DNAH10: variants seen among roughly 807,000 people sequenced by gnomAD.
DNAH10 encodes the protein dynein axonemal heavy chain 10, also known as axonemal beta dynein heavy chain 10.
Under a neutral mutation model 506.6 loss-of-function variants are expected in DNAH10, and 348 were observed. That is an observed-to-expected ratio of 0.69 (90% CI 0.63 to 0.75). The LOEUF is 0.75. Ranked by LOEUF, DNAH10 falls within the 30% of genes least tolerant of loss-of-function variation. The pLI, the probability that DNAH10 is intolerant of heterozygous loss-of-function variation, is 0.00. For missense variants in DNAH10, 5,179 were observed against 5,787.1 expected (o/e 0.89, Z 3.41); for synonymous variants, 2,059 against 2,198.6 (o/e 0.94, Z 1.78).
rs749608918 is a variant in DNAH10, at chr12:123,853,172, C to CT, written c.6292-25dup. On this transcript the variant is annotated intron_variant, in intron 35 of 78. Coordinates refer to ENST00000673944, the MANE Select transcript of DNAH10 (RefSeq NM_001372106.1). This position sits in a 1 kb window ranked among gnomAD's most constrained non-coding sequence, Gnocchi z 4.7. Reference sequence around the variant, plus strand: ...TTGCTTTTGAATCATTTTCTTTTTTCTTTTTTTTTGTATTATTATCTTCTA... The same window carrying CT: ...TTGCTTTTGAATCATTTTCTTTTTTCTTTTTTTTTTGTATTATTATCTTCTA... The CT allele has an allele frequency of 3.8e-4, 559 of 1,483,140 alleles. No homozygotes were observed. The highest frequency in any genetic ancestry group is 1.7e-3 in the South Asian group (124 of 73,712). The allele number at this position is 1,483,140 out of a possible 1,614,324, so 91.9% of individuals were successfully genotyped here. A position where few individuals can be genotyped will look rare whatever the true frequency, so the allele number is the denominator to read the frequency against.
At chr12:123,888,628 T>G (rs1952843059) in intron 52 of DNAH10, among the ~76,000 whole-genome samples, 1 of 152,208 alleles carries the variant, frequency 6.6e-6, no homozygotes, top group South Asian at 2.1e-4. Context: ...GACCTTGATT[T>G]CAGGCCTCCA....
intron 23 of DNAH10, among the ~76,000 whole-genome samples, chr12:123,819,577 G>A (rs1426279617): frequency 6.6e-6 from 1 of 151,876 alleles, no homozygotes; most frequent in Admixed American, 6.6e-5. Flanking sequence ...CAAAGGCAGC[G>A]TCTTATCCAT....
rs183759550 is a variant in DNAH10 at position 123,916,815 on chromosome 12, G to A, written c.11002+79G>A. 1.3e-6 allele frequency: 2 copies of A among 1,495,452 alleles called. No homozygotes were observed. Among genetic ancestry groups the A allele is most frequent in the Admixed American group, 4.3e-5 (2 of 46,732 alleles). 92.6% of individuals were successfully genotyped at this position (1,495,452 alleles called of 1,614,324 possible). ...CAACCTCAGATCAAGGCATTCATGG[G>A]ACATCATTTCACTCAGTGACCCCAG... On this transcript the variant is annotated intron_variant, in intron 63 of 78. Transcript: ENST00000673944. This position sits in a 1 kb window ranked among gnomAD's most constrained non-coding sequence, Gnocchi z 4.6.
intron 52 of DNAH10, among the ~76,000 whole-genome samples, chr12:123,888,849 C>T (rs1952854100): frequency 6.6e-6 from 1 of 152,168 alleles, no homozygotes; most frequent in Admixed American, 6.5e-5. Context: ...ATCTTGTCTA[C>T]CCTGGGGCCC....
chr12:123,784,594 T>A (rs946198191), intron 8 of DNAH10, among the ~76,000 whole-genome samples: 35 of 152,184 alleles, frequency 2.3e-4, no homozygotes, highest in African/African-American at 8.0e-4. Context: ...AGACATGACA[T>A]GATATTATCA....
rs201520422 is a variant in DNAH10, at chr12:123,859,199, C to T, written c.6680C>T (p.Thr2227Met). The change falls in exon 38 of 79, where the codon ACG (threonine) becomes ATG (methionine). Residue 2227 changes from threonine (T) to methionine (M), a missense_variant. Around this residue, in one of 3 missense-constraint regions of DNAH10, gnomAD observed 4,844 missense variants for 5,430.5 expected, o/e 0.89. Transcript: ENST00000673944. ...MFETMLTRHT[T>M]MVVGPTRGGK... ...GAGACCATGTTAACCCGCCACACGA[C>T]GATGGTGGTGGGGCCCACCAGAGGG... The T allele has an allele frequency of 3.2e-5, 52 of 1,612,152 alleles. No homozygotes were observed. The East Asian group carries it at 4.0e-4, about 12-fold the overall frequency.
Position 123,926,852 on chromosome 12 carries a change from G to A in DNAH10, c.12105+32G>A, listed in dbSNP as rs760168730. ...TGTGGCTGAAAGGAACAAGCTCTAC[G>A]TTTAGGGGAGGTCCCTGGTGTCTGC... On this transcript the variant is annotated intron_variant, in intron 69 of 78. Coordinates refer to ENST00000673944, the MANE Select transcript of DNAH10 (RefSeq NM_001372106.1). This position sits in a 1 kb window ranked among gnomAD's most constrained non-coding sequence, Gnocchi z 4.1. 1.9e-5 allele frequency: 30 copies of A among 1,608,688 alleles called. No homozygotes were observed. The highest frequency in any genetic ancestry group is 8.9e-5 in the East Asian group (4 of 44,858).
intron 26 of DNAH10, 106 bp downstream of exon 26, chr12:123,830,805 C>G: frequency 8.7e-7 from 1 of 1,154,992 alleles, no homozygotes; most frequent in Non-Finnish European, 1.2e-6. Flanking sequence ...ATTAGCTGAG[C>G]GTGGTGGTAT....
At position 123,859,087 on chromosome 12, in the gene DNAH10, G is replaced by A. The variant is rs560511389; in HGVS notation, c.6631-63G>A. The A allele has an allele frequency of 1.4e-4, 202 of 1,421,178 alleles. No homozygotes were observed. The African/African-American group carries it at 1.8e-3, about 13-fold the overall frequency. The allele number at this position is 1,421,178 out of a possible 1,614,324, so 88.0% of individuals were successfully genotyped here. A position where few individuals can be genotyped will look rare whatever the true frequency, so the allele number is the denominator to read the frequency against. On this transcript the variant is annotated intron_variant, in intron 37 of 78. Transcript: ENST00000673944. ...AATTGTATGGCGTGTGTGTTGTATC[G>A]CAATAAAACTGCGTCAGAAAAAAGA...
At position 123,894,510 on chromosome 12, in the gene DNAH10, G is replaced by C. The variant is rs528557297; in HGVS notation, c.9200-133G>C. 9 of 698,760 alleles carry C rather than the reference G, an allele frequency of 1.3e-5. No individual in the cohort carries two copies. In the South Asian group the frequency reaches 1.7e-4, roughly 13 times the overall value. 43.3% of individuals were successfully genotyped at this position (698,760 alleles called of 1,614,324 possible). A position where few individuals can be genotyped will look rare whatever the true frequency, so the allele number is the denominator to read the frequency against. The stretch of plus-strand genomic sequence containing the variant: ...TGACCTCAAATGATCCACCCGCCTT[G>C]GCCTCCCAAAGTGCTGGGATTACAG... On this transcript the variant is annotated intron_variant, in intron 53 of 78. Transcript: ENST00000673944.
intron 77 of DNAH10, 23 bp downstream of exon 77, chr12:123,933,534 C>A (rs1454209393): frequency 1.3e-6 from 2 of 1,563,494 alleles, no homozygotes; most frequent in Admixed American, 1.8e-5. Flanking sequence ...CGTTAGGGAT[C>A]CACAGCCTCT....
At chr12:123,786,866 G>A (rs189319126) in intron 9 of DNAH10, among the ~76,000 whole-genome samples, 61 of 152,130 alleles carry the variant, frequency 4.0e-4, no homozygotes, top group African/African-American at 1.1e-3. Flanking sequence ...GGCCGGGTGC[G>A]GTGGCTCACG....
chr12:123,934,798 AG>A, intron 78 of DNAH10, 32 bp downstream of exon 78: 1 of 1,611,846 alleles, frequency 6.2e-7, no homozygotes, highest in Non-Finnish European at 8.5e-7. Flanking sequence ...CTCTGACACC[AG>A]GGCCCTTCCT....
In DNAH10 at chr12:123,916,459, C is replaced by T. The variant is rs766312935; in HGVS notation, c.10725C>T (p.Val3575=). 19 of 1,603,780 alleles carry T rather than the reference C, an allele frequency of 1.2e-5. No individual in the cohort carries two copies. Among genetic ancestry groups the T allele is most frequent in the Admixed American group, 8.5e-5 (5 of 58,570 alleles). ...KRKEEKNNLR[V]ASFNDPDFLK... The stretch of plus-strand genomic sequence containing the variant: ...CATCTGCCTCCCTTCTCTTCCAGGT[C>T]GCTTCCTTTAATGACCCTGACTTCC... The change falls in exon 63 of 79, where the codon GTC becomes GTT. Residue 3575 remains valine, a splice_region_variant and synonymous_variant. Transcript: ENST00000673944. The surrounding 1 kb of genome is among the most constrained non-coding windows in gnomAD (Gnocchi z 4.6).
chr12:123,887,811 C>A (rs1042940725), intron 52 of DNAH10, among the ~76,000 whole-genome samples: 2 of 150,824 alleles, frequency 1.3e-5, no homozygotes, highest in Non-Finnish European at 2.9e-5. Flanking sequence ...GTGGCGTGAT[C>A]TTGGCTCACT....
chr12:123,858,384 C>T (rs754248512), intron 37 of DNAH10, among the ~76,000 whole-genome samples: 1 of 152,152 alleles, frequency 6.6e-6, no homozygotes, highest in South Asian at 2.1e-4. Flanking sequence ...CAGGCCTGGG[C>T]AGTGGGCACC....
In DNAH10 at chr12:123,774,196, C is replaced by T. The variant is rs868586496; in HGVS notation, c.553C>T (p.Pro185Ser). Reference sequence around the variant, plus strand: ...CATGAAGGAAGCTATGGAAATTATGCCAGAAACACTGGAGTATGGAATTAT... The same window carrying T: ...CATGAAGGAAGCTATGGAAATTATGTCAGAAACACTGGAGTATGGAATTAT... ...TDMKEAMEIM[P>S]ETLEYGIINA... The change falls in exon 5 of 79, where the codon CCA (proline) becomes TCA (serine). Residue 185 changes from proline (P) to serine (S), a missense_variant. This residue lies in a region of DNAH10 where 326 missense variants were observed against 330.8 expected (regional missense o/e 0.99). Transcript: ENST00000673944. 1.2e-6 allele frequency: 2 copies of T among 1,611,570 alleles called. No individual in the cohort carries two copies. Among genetic ancestry groups the T allele is most frequent in the South Asian group, 1.1e-5 (1 of 90,452 alleles).
At position 123,935,431 on chromosome 12, in the gene DNAH10, A is replaced by G. The variant is rs774118799; in HGVS notation, c.13720A>G (p.Ile4574Val). ...AGCTGATCTCTTTACCACGAGGCAC[A>G]TTTCTCACTGGGTGCTGCAAGGAGT... is the stretch of plus-strand genomic sequence containing the variant. ...FEADLFTTRH[I>V]SHWVLQGVCL... The change falls in exon 79 of 79, where the codon ATT becomes GTT. Residue 4574 changes from isoleucine (I) to valine (V), a missense_variant. This residue lies in a region of DNAH10 where 4,844 missense variants were observed against 5,430.5 expected (regional missense o/e 0.89). Transcript: ENST00000673944. 2.4e-5 allele frequency: 38 copies of G among 1,609,178 alleles called. No individual in the cohort carries two copies. The South Asian group carries it at 4.1e-4, about 17-fold the overall frequency.
intron 51 of DNAH10, among the ~76,000 whole-genome samples, chr12:123,886,391 AG>A (rs1952727246): frequency 6.6e-6 from 1 of 151,924 alleles, no homozygotes; most frequent in Admixed American, 6.6e-5. Flanking sequence ...TGCACTCGGG[AG>A]GGGTGAGGAA....
Sources: gnomAD v4.1 joint callset for allele counts (sites outside exome capture counted in the v4.1 genomes callset) on GRCh38, gnomAD v4.1.1 for gene constraint, gnomAD v4.1.1 regional missense constraint, Gnocchi (gnomAD v3.1) non-coding constraint, MANE v1.5 for transcripts, NCBI Gene and HGNC (gene_info 2026-07-23, HGNC 2026-07-21) for gene names.